The following HERC1 variants were observed in gnomAD, a reference collection of about 807,000 sequenced individuals.
HERC1 encodes the protein HECT and RLD domain containing E3 ubiquitin protein ligase family member 1, also known as probable E3 ubiquitin-protein ligase HERC1.
In HERC1, 160 loss-of-function variants were observed where a neutral mutation model predicts 554.3. The observed-to-expected ratio is 0.29, with a 90% CI of 0.25 to 0.33. HERC1 has a LOEUF of 0.33. Among genes scored for constraint, HERC1 ranks in the 10% least tolerant of loss-of-function variants. The pLI is 1.00. For synonymous variants in HERC1, 2,175 were observed against 2,131.7 expected, an observed-to-expected ratio of 1.02 and a Z score of -0.56; for missense variants, 4,919 against 5,918.5, an observed-to-expected ratio of 0.83 and a Z score of 5.54.
At chr15:63,686,302 C>A in intron 34 of HERC1, 57 bp downstream of exon 34, 1 of 1,284,206 alleles carries the variant, frequency 7.8e-7, no homozygotes, top group Non-Finnish European at 1.1e-6. Flanking sequence ...TTATAAGAAC[C>A]TGGAAAAAAA....
chr15:63,689,785 T>G, intron 32 of HERC1, 86 bp from the exon 33 acceptor site: 1 of 708,304 alleles, frequency 1.4e-6, no homozygotes, highest in Admixed American at 2.9e-5. Context: ...AACTGTAATA[T>G]TAACTCGCAT....
In HERC1 at chr15:63,723,340, C is replaced by A; in HGVS notation, c.3584G>T (p.Cys1195Phe). Residue 1195 changes from cysteine (C) to phenylalanine (F), a missense_variant, in exon 19 of 78, where the codon TGC becomes TTC. This residue lies in a region of HERC1 where 1,121 missense variants were observed against 1,244.0 expected (regional missense o/e 0.90). Coordinates refer to ENST00000443617, the MANE Select transcript of HERC1 (RefSeq NM_003922.4). ...DTPQLDKCMS[C>F]LLEVALSGNE... ...TCCAGAAAGTGCTACTTCTAACAGGCAACTCATACATTTATCTAAAAAAAA... is the reference window on the plus strand; with the variant it reads ...TCCAGAAAGTGCTACTTCTAACAGGAAACTCATACATTTATCTAAAAAAAA... The A allele has an allele frequency of 2.5e-6, 4 of 1,573,714 alleles. No homozygotes were observed. Among genetic ancestry groups the A allele is most frequent in the Non-Finnish European group, 3.5e-6 (4 of 1,159,196 alleles).
chr15:63,724,342 A>G (rs968759149), intron 18 of HERC1, among the ~76,000 whole-genome samples: 4 of 152,234 alleles, frequency 2.6e-5, no homozygotes, highest in Non-Finnish European at 4.4e-5. Flanking sequence ...TTTCATAAAC[A>G]CCAGTCCAAC....
In HERC1 at chr15:63,680,137, A is replaced by G. The variant is rs2071405163; in HGVS notation, c.6489T>C (p.Asp2163=). 6.2e-7 allele frequency: 1 copy of G among 1,613,286 alleles called. No individual in the cohort carries two copies. The highest frequency in any genetic ancestry group is 1.3e-5 in the African/African-American group (1 of 74,932). ...ATGGGTACAACTCTGCTGCATCCAC[A>G]TCTTCAAAAGCTAATTTGGGTTCCT... ...NGEEPKLAFE[D]VDAAELYPCV... is the part of the protein sequence containing the mutation. Residue 2163 remains aspartate, a synonymous_variant, in exon 36 of 78, where the codon GAT becomes GAC. Coordinates refer to ENST00000443617, the MANE Select transcript of HERC1 (RefSeq NM_003922.4). The surrounding 1 kb of genome is among the most constrained non-coding windows in gnomAD (Gnocchi z 5.8).
At position 63,758,408 on chromosome 15, in the gene HERC1, A is replaced by G. The variant is rs750292695; in HGVS notation, c.1027-39T>C. On this transcript the variant is annotated intron_variant, in intron 3 of 77. Coordinates refer to ENST00000443617, the MANE Select transcript of HERC1 (RefSeq NM_003922.4). The surrounding 1 kb of genome is among the most constrained non-coding windows in gnomAD (Gnocchi z 4.0). ...AAAATATGCAACAAATAGTCAAGAC[A>G]GTTTTAGTCTGGGCATTTTTTATAC... is the stretch of plus-strand genomic sequence containing the variant. 8.2e-6 allele frequency: 12 copies of G among 1,469,096 alleles called. No individual in the cohort carries two copies. The Admixed American group carries it at 9.8e-5, about 12-fold the overall frequency. The allele number at this position is 1,469,096 out of a possible 1,614,324, so 91.0% of individuals were successfully genotyped here.
chr15:63,663,373 C>G (rs777820365), intron 43 of HERC1, among the ~76,000 whole-genome samples, 169 bp from the exon 44 acceptor site: 4 of 152,162 alleles, frequency 2.6e-5, no homozygotes, highest in Non-Finnish European at 5.9e-5. Flanking sequence ...TCCTCTCTTG[C>G]AAAAGGGGAT....
In HERC1 at chr15:63,725,461, C is replaced by T. The variant is rs1596076247; in HGVS notation, c.3399G>A (p.Gln1133=). The T allele has an allele frequency of 6.2e-7, 1 of 1,613,890 alleles. No homozygotes were observed. Among genetic ancestry groups the T allele is most frequent in the East Asian group, 2.2e-5 (1 of 44,868 alleles). The change falls in exon 18 of 78, where the codon CAG becomes CAA. Residue 1133 remains glutamine, a synonymous_variant. Transcript: ENST00000443617. ...CTAGATCCACAAGCCATACCCAGGACTGAGCTGGCTGAGGTAATGGCAGAC... is the reference window on the plus strand; with the variant it reads ...CTAGATCCACAAGCCATACCCAGGATTGAGCTGGCTGAGGTAATGGCAGAC... ...PAGLPLPQPA[Q]SWVWLVDLER...
At position 63,659,790 on chromosome 15, in the gene HERC1, A is replaced by G; in HGVS notation, c.9370T>C (p.Ser3124Pro). ...QFPDSDPLGA[S>P]VAMVTATNSM... ...TTGGTGGCTGTGACCATTGCTACTG[A>G]TGCTCCCAGTGGATCGCTGTCAGGG... The change falls in exon 47 of 78, where the codon TCA becomes CCA. Residue 3124 changes from serine to proline, a missense_variant. Transcript: ENST00000443617. 6.2e-7 allele frequency: 1 copy of G among 1,613,906 alleles called. No individual in the cohort carries two copies. Among genetic ancestry groups the G allele is most frequent in the Non-Finnish European group, 8.5e-7 (1 of 1,179,846 alleles).
chr15:63,666,143 C>T lies in HERC1; in HGVS notation c.8331G>A (p.Arg2777=), dbSNP rs976837915. 3.1e-6 allele frequency: 5 copies of T among 1,611,346 alleles called. No individual in the cohort carries two copies. The African/African-American group carries it at 6.7e-5, about 22-fold the overall frequency. ...TGATATTCTGGGCATCAGCCTCTCCCCTAGCACCTATACAGGGGAAAAACA... is the reference window on the plus strand; with the variant it reads ...TGATATTCTGGGCATCAGCCTCTCCTCTAGCACCTATACAGGGGAAAAACA... ...IAKAMEATGA[R]GEADAQNITV... Residue 2777 remains arginine (R), a synonymous_variant, in exon 42 of 78, where the codon AGG becomes AGA. Coordinates refer to ENST00000443617, the MANE Select transcript of HERC1 (RefSeq NM_003922.4).
At chr15:63,754,166 C>T (rs1409147515) in intron 7 of HERC1, among the ~76,000 whole-genome samples, 1 of 149,948 alleles carries the variant, frequency 6.7e-6, no homozygotes, top group East Asian at 1.9e-4. Context: ...AAAGCAAGAC[C>T]CTATCTCAAA....
At chr15:63,688,907 A>C (rs1243188527) in intron 33 of HERC1, among the ~76,000 whole-genome samples, 1 of 152,136 alleles carries the variant, frequency 6.6e-6, no homozygotes, top group Non-Finnish European at 1.5e-5. Flanking sequence ...TTTGAGGGGG[A>C]GACACCCAGG....
intron 1 of HERC1, among the ~76,000 whole-genome samples, chr15:63,816,707 G>A (rs1596318335): frequency 6.6e-6 from 1 of 152,180 alleles, no homozygotes; most frequent in East Asian, 1.9e-4. Flanking sequence ...TTCCACCACA[G>A]AACCTTGCCA....
rs746589153 is a variant in HERC1, at chr15:63,713,517, C to T, written c.4299G>A (p.Glu1433=). 10 of 1,613,890 alleles carry T rather than the reference C, an allele frequency of 6.2e-6. No individual in the cohort carries two copies. The East Asian group carries it at 1.8e-4, about 29-fold the overall frequency. Reference sequence around the variant, plus strand: ...ATGCAGCAGTGTACACATCCTGACCCTCAGGAAGGTCTGTGCTGACCCTTC... The same window carrying T: ...ATGCAGCAGTGTACACATCCTGACCTTCAGGAAGGTCTGTGCTGACCCTTC... ...QERRVSTDLP[E]GQDVYTAACN... Residue 1433 remains glutamate, a synonymous_variant, in exon 23 of 78, where the codon GAG becomes GAA. Coordinates refer to ENST00000443617, the MANE Select transcript of HERC1 (RefSeq NM_003922.4).
At position 63,643,428 on chromosome 15, in the gene HERC1, C is replaced by A. The variant is rs1433642399; in HGVS notation, c.11307G>T (p.Gly3769=). The A allele has an allele frequency of 1.2e-6, 2 of 1,613,126 alleles. No individual in the cohort carries two copies. The highest frequency in any genetic ancestry group is 1.7e-6 in the Non-Finnish European group (2 of 1,179,556). The part of the protein sequence containing the change: ...GLALVSGGLG[G]LMNIWSLRDG... ...CCCTTAAAGACCAAATGTTCATGAG[C>A]CCACCTAGTCCACCAGACACCAGGG... The change falls in exon 58 of 78, where the codon GGG becomes GGT. Residue 3769 remains glycine (G), a synonymous_variant. Transcript: ENST00000443617.
At position 63,652,065 on chromosome 15, in the gene HERC1, A is replaced by C. The variant is rs189927541; in HGVS notation, c.10418+349T>G. 7.2e-5 allele frequency among the ~76,000 whole-genome samples: 11 copies of C among 152,190 alleles called. No homozygotes were observed. The East Asian group carries it at 1.9e-3, about 27-fold the overall frequency. ...AAGAAAAAAACAAAACAAAACAAAA[A>C]AAACTGTTGAAAATGCTACATTCTG... On this transcript the variant is annotated intron_variant, in intron 52 of 77. Transcript: ENST00000443617.
chr15:63,728,039 C>T (rs2074108577), intron 16 of HERC1, among the ~76,000 whole-genome samples: 1 of 152,178 alleles, frequency 6.6e-6, no homozygotes, highest in South Asian at 2.1e-4. Flanking sequence ...TATAGGAAAG[C>T]ATATGTATTC....
chr15:63,770,947 G>A (rs1443605441), intron 2 of HERC1, among the ~76,000 whole-genome samples: 1 of 152,186 alleles, frequency 6.6e-6, no homozygotes, highest in Non-Finnish European at 1.5e-5. Flanking sequence ...CCAGCACTGT[G>A]GGAGGCCGAG....
intron 12 of HERC1, among the ~76,000 whole-genome samples, chr15:63,738,559 A>T (rs986209756): frequency 3.3e-5 from 5 of 152,128 alleles, no homozygotes; most frequent in South Asian, 2.1e-4. Flanking sequence ...AAATAAAAAA[A>T]TTTTTTAAAG....
At chr15:63,610,719 G>C (rs1191495417) in intron 77 of HERC1, among the ~76,000 whole-genome samples, 1 of 152,230 alleles carries the variant, frequency 6.6e-6, no homozygotes. Flanking sequence ...GAATAGCTTT[G>C]GCTACACCAG....
Sources: gnomAD v4.1 joint callset for allele counts (sites outside exome capture counted in the v4.1 genomes callset) on GRCh38, gnomAD v4.1.1 for gene constraint, gnomAD v4.1.1 regional missense constraint, Gnocchi (gnomAD v3.1) non-coding constraint, MANE v1.5 for transcripts, NCBI Gene and HGNC (gene_info 2026-07-23, HGNC 2026-07-21) for gene names.